Variants in PRKCE observed in about 807,000 individuals in gnomAD.
PRKCE encodes protein kinase C epsilon type.
A neutral mutation model predicts 85.4 loss-of-function variants in PRKCE; 16 were observed. The ratio of observed to expected loss-of-function variants is 0.19; its 90% CI spans 0.13 to 0.28. The LOEUF is 0.28. Among genes scored for constraint, PRKCE ranks in the 10% least tolerant of loss-of-function variants. The pLI, the probability that PRKCE is intolerant of heterozygous loss-of-function variation, is 1.00. For synonymous variants in PRKCE, 388 were observed against 371.5 expected (o/e 1.04, Z -0.51); for missense variants, 573 against 975.2 (o/e 0.59, Z 5.49).
intron 11 of PRKCE, among the ~76,000 whole-genome samples, chr2:46,111,204 A>G (rs1218318753): frequency 1.3e-5 from 2 of 152,168 alleles, no homozygotes; most frequent in Non-Finnish European, 2.9e-5. Context: ...ATAAATGTTA[A>G]GTTGATTGCT....
chr2:45,977,180 A>C (rs1702523071), intron 3 of PRKCE, among the ~76,000 whole-genome samples: 1 of 152,132 alleles, frequency 6.6e-6, no homozygotes, highest in Non-Finnish European at 1.5e-5. Context: ...TATAGATGTG[A>C]GCCATTGTAC....
intron 11 of PRKCE, among the ~76,000 whole-genome samples, chr2:46,142,725 G>A (rs1398856796): frequency 6.6e-6 from 1 of 152,244 alleles, no homozygotes; most frequent in African/African-American, 2.4e-5. Flanking sequence ...AGGCAAAGAA[G>A]AGCAGGAGCT....
intron 1 of PRKCE, among the ~76,000 whole-genome samples, chr2:45,820,225 C>A (rs890875011): frequency 2.6e-5 from 4 of 152,122 alleles, no homozygotes; most frequent in African/African-American, 7.2e-5. Flanking sequence ...CAGAAATGTT[C>A]TATGTGCTCC....
intron 14 of PRKCE, among the ~76,000 whole-genome samples, chr2:46,183,247 T>G (rs1167382993): frequency 6.6e-6 from 1 of 152,252 alleles, no homozygotes; most frequent in Non-Finnish European, 1.5e-5. Context: ...TTCCTCACTC[T>G]AGAATTTCTC....
At chr2:46,160,747 C>G (rs529501180) in intron 14 of PRKCE, among the ~76,000 whole-genome samples, 2 of 152,292 alleles carry the variant, frequency 1.3e-5, no homozygotes, top group African/African-American at 4.8e-5. Flanking sequence ...CAGAAAAGAC[C>G]TTCCTGTGCC....
At chr2:45,854,470 A>G (rs1692522532) in intron 2 of PRKCE, among the ~76,000 whole-genome samples, 1 of 152,220 alleles carries the variant, frequency 6.6e-6, no homozygotes, top group Non-Finnish European at 1.5e-5. Context: ...ATTAGGTGGC[A>G]TCATGATGAG....
At chr2:45,700,731 G>A (rs1678564934) in intron 1 of PRKCE, 1 of 152,162 alleles carries the variant, frequency 6.6e-6, no homozygotes, top group Admixed American at 6.5e-5. Context: ...GACCTTATTT[G>A]GAAGCAGGGT....
intron 1 of PRKCE, among the ~76,000 whole-genome samples, chr2:45,820,482 G>T (rs1348505915): frequency 6.6e-6 from 1 of 152,104 alleles, no homozygotes; most frequent in Non-Finnish European, 1.5e-5. Flanking sequence ...TGGCATAGTA[G>T]GAGGGCAATA....
intron 1 of PRKCE, among the ~76,000 whole-genome samples, chr2:45,669,729 G>A (rs1162186924): frequency 1.3e-5 from 2 of 152,130 alleles, no homozygotes; most frequent in Admixed American, 6.5e-5. Flanking sequence ...AATGTATATC[G>A]GCCGGGCATG....
intron 1 of PRKCE, among the ~76,000 whole-genome samples, chr2:45,698,913 A>G (rs989109166): frequency 6.6e-6 from 1 of 152,214 alleles, no homozygotes; most frequent in Non-Finnish European, 1.5e-5. Flanking sequence ...CCATGGACTT[A>G]GAAATTCACC....
intron 1 of PRKCE, among the ~76,000 whole-genome samples, chr2:45,699,685 G>A (rs1278052239): frequency 1.3e-5 from 2 of 152,150 alleles, no homozygotes; most frequent in African/African-American, 4.8e-5. Flanking sequence ...TTTTTTTATG[G>A]TCCTGGAGGA....
Position 45,896,652 on chromosome 2 carries a change from T to G in PRKCE, c.412+53589T>G, listed in dbSNP as rs138660881. Among the ~76,000 whole-genome samples the G allele has an allele frequency of 6.6e-5, 10 of 152,364 alleles. No individual in the cohort carries two copies. The East Asian group carries it at 1.9e-3, about 29-fold the overall frequency. On this transcript the variant is annotated intron_variant, in intron 2 of 14. Coordinates refer to ENST00000306156, the MANE Select transcript of PRKCE (RefSeq NM_005400.3). ...TTATCAAAGTAGCGCAGTGCATGTATACTTTTATTGGAGTAGATTGCAGAG... is the reference window on the plus strand; with the variant it reads ...TTATCAAAGTAGCGCAGTGCATGTAGACTTTTATTGGAGTAGATTGCAGAG...
intron 9 of PRKCE, 142 bp from the exon 10 acceptor site, chr2:46,010,202 C>T (rs550575632): frequency 3.3e-6 from 3 of 898,984 alleles, no homozygotes; most frequent in African/African-American, 1.7e-5. Flanking sequence ...ATCTTGGGTG[C>T]ATGCCACCAC....
intron 2 of PRKCE, among the ~76,000 whole-genome samples, chr2:45,916,773 C>T (rs1210515545): frequency 6.6e-6 from 1 of 152,168 alleles, no homozygotes; most frequent in Non-Finnish European, 1.5e-5. Flanking sequence ...TTGGTGGGTT[C>T]TTGATCTCAC....
chr2:45,908,629 G>A (rs138964434), intron 2 of PRKCE, among the ~76,000 whole-genome samples: 1 of 152,144 alleles, frequency 6.6e-6, no homozygotes, highest in African/African-American at 2.4e-5. Flanking sequence ...CACTGGTATA[G>A]CCTGGATATC....
intron 1 of PRKCE, among the ~76,000 whole-genome samples, chr2:45,731,453 T>C (rs1681565639): frequency 6.6e-6 from 1 of 152,142 alleles, no homozygotes; most frequent in South Asian, 2.1e-4. Flanking sequence ...TTTCATTTAC[T>C]GAGTCTCTTC....
Position 46,041,375 on chromosome 2 carries a change from T to C in PRKCE, c.1437+30858T>C, listed in dbSNP as rs890469688. ...CTTTGATTTTCTTAAGTCATGTATATTTATAGAGCCACATACACCTGTTAG... is the reference window on the plus strand; with the variant it reads ...CTTTGATTTTCTTAAGTCATGTATACTTATAGAGCCACATACACCTGTTAG... On this transcript the variant is annotated intron_variant, in intron 10 of 14. Coordinates refer to ENST00000306156, the MANE Select transcript of PRKCE (RefSeq NM_005400.3). The surrounding 1 kb of genome is among the most constrained non-coding windows in gnomAD (Gnocchi z 5.5). Among the ~76,000 whole-genome samples the C allele has an allele frequency of 2.6e-5, 4 of 152,252 alleles. No individual in the cohort carries two copies. The highest frequency in any genetic ancestry group is 9.6e-5 in the African/African-American group (4 of 41,472).
intron 10 of PRKCE, among the ~76,000 whole-genome samples, chr2:46,064,018 A>T (rs1176902453): frequency 2.0e-5 from 3 of 152,154 alleles, no homozygotes; most frequent in Non-Finnish European, 4.4e-5. Flanking sequence ...ACAGTGGCTC[A>T]CACCTGTAAT....
At chr2:45,883,361 T>A (rs761754837) in intron 2 of PRKCE, among the ~76,000 whole-genome samples, 2 of 152,220 alleles carry the variant, frequency 1.3e-5, no homozygotes, top group Non-Finnish European at 2.9e-5. Flanking sequence ...GCCCATAGTG[T>A]GGGTGAAGAC....
Sources: gnomAD v4.1 joint callset for allele counts (sites outside exome capture counted in the v4.1 genomes callset) on GRCh38, gnomAD v4.1.1 for gene constraint, Gnocchi (gnomAD v3.1) non-coding constraint, MANE v1.5 for transcripts, NCBI Gene and HGNC (gene_info 2026-07-23, HGNC 2026-07-21) for gene names.